The following SMYD3 variants were observed in gnomAD, a reference collection of about 807,000 sequenced individuals.
SMYD3 encodes histone-lysine N-methyltransferase SMYD3.
A neutral mutation model predicts 57.7 loss-of-function variants in SMYD3; 36 were observed. The ratio of observed to expected loss-of-function variants is 0.62; its 90% CI spans 0.48 to 0.82. The LOEUF (loss-of-function observed/expected upper bound fraction) is 0.82, where lower values mean the gene tolerates loss of function less well. Ranked by LOEUF, SMYD3 falls within the 40% of genes least tolerant of loss-of-function variation. The pLI is 0.00. For missense variants in SMYD3, 515 were observed against 538.8 expected (o/e 0.96, Z 0.44); for synonymous variants, 211 against 195.0 (o/e 1.08, Z -0.68).
In SMYD3 at chr1:246,321,252, G is replaced by C. The variant is rs940301895; in HGVS notation, c.531+5949C>G. Among the ~76,000 whole-genome samples the C allele has an allele frequency of 2.9e-4, 44 of 152,212 alleles. 1 individual carries two copies. Among genetic ancestry groups the C allele is most frequent in the Non-Finnish European group, 1.8e-4 (12 of 68,036 alleles). ...TCTTGGCTAGATGACAGCACAGGGA[G>C]ATTTAAAACACCAAAGTTCTATAAT... On this transcript the variant is annotated intron_variant, in intron 5 of 11. Transcript: ENST00000490107.
chr1:246,050,245 A>C (rs1158198316), intron 5 of SMYD3, among the ~76,000 whole-genome samples: 1 of 152,238 alleles, frequency 6.6e-6, no homozygotes, highest in Admixed American at 6.5e-5. Flanking sequence ...AGATGATTCC[A>C]GCCAGGTAGC....
At chr1:246,415,096 A>T (rs543635530) in intron 1 of SMYD3, among the ~76,000 whole-genome samples, 1 of 152,296 alleles carries the variant, frequency 6.6e-6, no homozygotes, top group Non-Finnish European at 1.5e-5. Context: ...GCCTTAATTT[A>T]AAGCTATTCC....
chr1:246,365,708 G>C (rs908924524), intron 1 of SMYD3, among the ~76,000 whole-genome samples: 1 of 151,952 alleles, frequency 6.6e-6, no homozygotes, highest in African/African-American at 2.4e-5. Flanking sequence ...ATGACTGGGT[G>C]GAAAAAACTA....
At chr1:246,499,202 A>G (rs1031800123) in intron 1 of SMYD3, among the ~76,000 whole-genome samples, 6 of 151,354 alleles carry the variant, frequency 4.0e-5, no homozygotes, top group Non-Finnish European at 7.4e-5. Context: ...TATTCGGGGG[A>G]CTGAGGCAGG....
At chr1:245,987,268 G>A (rs965902778) in intron 5 of SMYD3, among the ~76,000 whole-genome samples, 13 of 152,156 alleles carry the variant, frequency 8.5e-5, no homozygotes, top group Admixed American at 3.3e-4. Context: ...ATTCCAAGAC[G>A]TTTAATACCC....
At chr1:246,062,274 G>C (rs1326346259) in intron 5 of SMYD3, among the ~76,000 whole-genome samples, 1 of 152,130 alleles carries the variant, frequency 6.6e-6, no homozygotes, top group African/African-American at 2.4e-5. Context: ...GTTAGTCACT[G>C]ATTTGGGGAT....
intron 5 of SMYD3, among the ~76,000 whole-genome samples, chr1:245,999,175 C>T (rs1177148032): frequency 6.6e-6 from 1 of 151,168 alleles, no homozygotes; most frequent in Non-Finnish European, 1.5e-5. Context: ...AAAAAACCCA[C>T]AAAAACAACC....
intron 5 of SMYD3, among the ~76,000 whole-genome samples, chr1:246,017,060 A>G (rs2059389790): frequency 6.6e-6 from 1 of 152,234 alleles, no homozygotes; most frequent in African/African-American, 2.4e-5. Context: ...GGACAGAATA[A>G]CAAATGTCAG....
chr1:245,847,087 GGGCC>G (rs1309053900), intron 10 of SMYD3, among the ~76,000 whole-genome samples: 5 of 152,144 alleles, frequency 3.3e-5, no homozygotes, highest in Non-Finnish European at 7.4e-5. Flanking sequence ...GAACCTGGCT[GGGCC>G]ATTTCCCTTA....
intron 5 of SMYD3, among the ~76,000 whole-genome samples, chr1:246,187,128 C>G (rs572317540): frequency 6.6e-6 from 1 of 152,160 alleles, no homozygotes; most frequent in Admixed American, 6.5e-5. Flanking sequence ...GTGGCTCATG[C>G]CTGTAATCCC....
intron 5 of SMYD3, among the ~76,000 whole-genome samples, chr1:246,200,730 C>T (rs1395787257): frequency 7.4e-6 from 1 of 134,752 alleles, no homozygotes; most frequent in East Asian, 2.1e-4. Context: ...CTACAGTAGG[C>T]ATTTTGCTTT....
chr1:246,113,699 TC>T (rs1242565000), intron 5 of SMYD3: 1 of 152,230 alleles, frequency 6.6e-6, no homozygotes, highest in African/African-American at 2.4e-5. Context: ...ACAGGGAGGT[TC>T]CTGTGGACAG....
chr1:246,439,794 A>G (rs2067436225), intron 1 of SMYD3, among the ~76,000 whole-genome samples: 1 of 152,110 alleles, frequency 6.6e-6, no homozygotes, highest in Non-Finnish European at 1.5e-5. Context: ...CTAAAAAAAC[A>G]GAAAAATTAG....
chr1:246,014,042 C>T (rs1333519891), intron 5 of SMYD3, among the ~76,000 whole-genome samples: 3 of 152,238 alleles, frequency 2.0e-5, no homozygotes, highest in East Asian at 3.9e-4. Flanking sequence ...AAGTATCTGT[C>T]GGCCAGGCGT....
At chr1:246,230,959 A>G (rs2063400387) in intron 5 of SMYD3, among the ~76,000 whole-genome samples, 1 of 152,214 alleles carries the variant, frequency 6.6e-6, no homozygotes, top group Non-Finnish European at 1.5e-5. Flanking sequence ...TATCTCTCTC[A>G]GTTACTCAGT....
chr1:246,068,154 G>C (rs1412544306), intron 5 of SMYD3, among the ~76,000 whole-genome samples: 1 of 152,168 alleles, frequency 6.6e-6, no homozygotes, highest in East Asian at 1.9e-4. Context: ...GGAGGAAGGA[G>C]CCTCCTGGAA....
intron 1 of SMYD3, among the ~76,000 whole-genome samples, chr1:246,445,554 A>G (rs768786131): frequency 5.3e-5 from 8 of 152,228 alleles, no homozygotes; most frequent in Non-Finnish European, 4.4e-5. Flanking sequence ...CTGTATCTGA[A>G]TTTCTAAATG....
At position 245,845,791 on chromosome 1, in the gene SMYD3, T is replaced by C. The variant is rs527696791; in HGVS notation, c.1076+12705A>G. Among the ~76,000 whole-genome samples the C allele has an allele frequency of 4.6e-5, 7 of 152,336 alleles. No individual in the cohort carries two copies. In the South Asian group the frequency reaches 1.4e-3, roughly 32 times the overall value. On this transcript the variant is annotated intron_variant, in intron 10 of 11. Transcript: ENST00000490107. Reference sequence around the variant, plus strand: ...TTTTATTGGATTCTCTTTACCATCTTTGAGTCGTTTTCTATCTGAAATGTT... The same window carrying C: ...TTTTATTGGATTCTCTTTACCATCTCTGAGTCGTTTTCTATCTGAAATGTT...
At position 246,443,382 on chromosome 1, in the gene SMYD3, A is replaced by G. The variant is rs905685839; in HGVS notation, c.164+63672T>C. Among the ~76,000 whole-genome samples the G allele has an allele frequency of 8.5e-5, 13 of 152,238 alleles. 1 individual carries two copies. The highest frequency in any genetic ancestry group is 2.4e-4 in the African/African-American group (10 of 41,466). ...CTCAATTTATTTAGGAAGCTCTACAATGTAACTCCTCAAAAGGCAACAGTC... is the reference window on the plus strand; with the variant it reads ...CTCAATTTATTTAGGAAGCTCTACAGTGTAACTCCTCAAAAGGCAACAGTC... On this transcript the variant is annotated intron_variant, in intron 1 of 11. Transcript: ENST00000490107.
Sources: allele counts gnomAD v4.1 joint callset (sites outside exome capture counted in the v4.1 genomes callset), GRCh38; gene constraint gnomAD v4.1.1; transcripts MANE v1.5; gene names NCBI Gene and HGNC (gene_info 2026-07-23, HGNC 2026-07-21).